The following LRP12 variants were observed in gnomAD, a reference collection of about 807,000 sequenced individuals.
The protein encoded by LRP12 is low-density lipoprotein receptor-related protein 12.
In LRP12, 14 loss-of-function variants were observed where a neutral mutation model predicts 66.0. That is an observed-to-expected ratio of 0.21 (90% confidence interval 0.14 to 0.33). The LOEUF (loss-of-function observed/expected upper bound fraction) is 0.33. LRP12 is among the 10% of genes least tolerant of loss of function. LRP12 has a pLI of 1.00. For missense variants in LRP12, 889 were observed against 1,053.4 expected (o/e 0.84, Z 2.16); for synonymous variants, 357 against 359.1 (o/e 0.99, Z 0.07).
chr8:104,530,521 C>A (rs1811310312), intron 2 of LRP12, among the ~76,000 whole-genome samples: 1 of 152,158 alleles, frequency 6.6e-6, no homozygotes, highest in Non-Finnish European at 1.5e-5. Context: ...TCACCAGGGA[C>A]CAACCCTGCC....
In LRP12 at chr8:104,509,083, T is replaced by C. The variant is rs199631267; in HGVS notation, c.137-9A>G. 2.2e-4 allele frequency: 353 copies of C among 1,610,520 alleles called. No individual in the cohort carries two copies. In the African/African-American group the frequency reaches 2.6e-3, roughly 12 times the overall value. Reference sequence around the variant, plus strand: ...TGGAGTCTCTCCACAAGCTGGAAGATAGCCAAAGCAATCTTTCCTTATTAT... The same window carrying C: ...TGGAGTCTCTCCACAAGCTGGAAGACAGCCAAAGCAATCTTTCCTTATTAT... On this transcript the variant is annotated splice_polypyrimidine_tract_variant and intron_variant, in intron 2 of 6. Transcript: ENST00000276654.
intron 1 of LRP12, among the ~76,000 whole-genome samples, chr8:104,533,579 T>C (rs1001563297): frequency 5.5e-4 from 83 of 152,274 alleles, no homozygotes; most frequent in African/African-American, 2.0e-3. Context: ...CTTCTACTTC[T>C]ATATTATACA....
chr8:104,542,994 A>AATATAAATATATAT lies in LRP12; in HGVS notation c.80-11032_80-11031insATATATATTTATAT, dbSNP rs544043214. Among the ~76,000 whole-genome samples the AATATAAATATATAT allele has an allele frequency of 3.2e-3, 456 of 144,128 alleles. 10 individuals are homozygous for AATATAAATATATAT. The highest frequency in any genetic ancestry group is 0.011 in the African/African-American group (433 of 38,374). The allele number at this position is 144,128 out of a possible 152,430, so 94.6% of individuals were successfully genotyped here. ...TGCGTGTGTTTATAGAACACACACA[A>AATATAAATATATAT]ATATATATATATATATATAAATATA... is the stretch of plus-strand genomic sequence containing the variant. On this transcript the variant is annotated intron_variant, in intron 1 of 6. Transcript: ENST00000276654.
At chr8:104,575,174 A>G (rs1436867236) in intron 1 of LRP12, among the ~76,000 whole-genome samples, 8 of 152,362 alleles carry the variant, frequency 5.3e-5, no homozygotes, top group African/African-American at 1.9e-4. Context: ...CTGAGTGATC[A>G]TTCCTGCTTG....
At chr8:104,492,377 T>C (rs183530643) in intron 6 of LRP12, among the ~76,000 whole-genome samples, 3 of 152,304 alleles carry the variant, frequency 2.0e-5, no homozygotes, top group Non-Finnish European at 4.4e-5. Context: ...TTTAAAAGCA[T>C]ATAGCATTAT....
chr8:104,579,482 A>G (rs1460006240), intron 1 of LRP12, among the ~76,000 whole-genome samples: 2 of 152,210 alleles, frequency 1.3e-5, no homozygotes, highest in Admixed American at 6.5e-5. Flanking sequence ...AAGAATCAAT[A>G]CTGTTAAAAT....
intron 1 of LRP12, among the ~76,000 whole-genome samples, chr8:104,542,290 C>T (rs377481067): frequency 1.3e-5 from 2 of 152,136 alleles, no homozygotes; most frequent in East Asian, 3.9e-4. Context: ...TTATGCTATT[C>T]TTTGGAGAAA....
intron 2 of LRP12, among the ~76,000 whole-genome samples, chr8:104,511,544 CG>C (rs2140845306): frequency 6.6e-6 from 1 of 151,770 alleles, no homozygotes; most frequent in East Asian, 1.9e-4. Flanking sequence ...TTTTGTTTTC[CG>C]TAACAGGGGT....
At chr8:104,559,753 G>T (rs994630824) in intron 1 of LRP12, among the ~76,000 whole-genome samples, 8 of 151,714 alleles carry the variant, frequency 5.3e-5, no homozygotes, top group Non-Finnish European at 1.2e-4. Flanking sequence ...CATAAGTTCT[G>T]CATAATTCTT....
At chr8:104,566,391 G>A (rs1382266601) in intron 1 of LRP12, 3 of 260,860 alleles carry the variant, frequency 1.2e-5, no homozygotes, top group Non-Finnish European at 2.3e-5. Context: ...GGGAGCCTTA[G>A]GGGAAGAGCC....
chr8:104,579,824 T>C (rs531267049), intron 1 of LRP12, among the ~76,000 whole-genome samples: 2 of 152,212 alleles, frequency 1.3e-5, no homozygotes, highest in Admixed American at 6.5e-5. Context: ...AAATGAGCCA[T>C]AGGAAAAGGA....
chr8:104,543,067 A>G (rs1811503245), intron 1 of LRP12, among the ~76,000 whole-genome samples: 1 of 151,642 alleles, frequency 6.6e-6, no homozygotes, highest in Non-Finnish European at 1.5e-5. Context: ...GCACAAAGAC[A>G]CTGAGTGCTG....
chr8:104,531,729 T>C (rs1461309012), intron 2 of LRP12, among the ~76,000 whole-genome samples, 178 bp downstream of exon 2: 1 of 152,136 alleles, frequency 6.6e-6, no homozygotes, highest in Non-Finnish European at 1.5e-5. Context: ...GGCATGCAAG[T>C]ATCAGTTTTA....
At chr8:104,518,711 T>G (rs1001363942) in intron 2 of LRP12, among the ~76,000 whole-genome samples, 2 of 152,080 alleles carry the variant, frequency 1.3e-5, no homozygotes, top group Non-Finnish European at 2.9e-5. Context: ...CTTCTTAGTA[T>G]CTTTGGTATT....
In LRP12 at chr8:104,542,994, A is replaced by AATATATATATATATATAT. The variant is rs149279085; in HGVS notation, c.80-11049_80-11032dup. Among the ~76,000 whole-genome samples the AATATATATATATATATAT allele has an allele frequency of 4.9e-5, 7 of 144,140 alleles. No homozygotes were observed. In the South Asian group the frequency reaches 6.5e-4, roughly 13 times the overall value. 94.6% of individuals were successfully genotyped at this position (144,140 alleles called of 152,430 possible). ...TGCGTGTGTTTATAGAACACACACA[A>AATATATATATATATATAT]ATATATATATATATATATAAATATA... On this transcript the variant is annotated intron_variant, in intron 1 of 6. Coordinates refer to ENST00000276654, the MANE Select transcript of LRP12 (RefSeq NM_013437.5).
intron 1 of LRP12, among the ~76,000 whole-genome samples, chr8:104,563,022 G>A (rs1271554489): frequency 6.6e-6 from 1 of 152,098 alleles, no homozygotes; most frequent in Non-Finnish European, 1.5e-5. Flanking sequence ...TGTTTACGGA[G>A]ATCTCCAAGT....
At chr8:104,549,805 C>T (rs150264505) in intron 1 of LRP12, among the ~76,000 whole-genome samples, 1,986 of 152,216 alleles carry the variant, frequency 0.013, 22 homozygotes, top group Non-Finnish European at 0.021. Flanking sequence ...ATTGAATAAC[C>T]TTTAAATAAT....
intron 3 of LRP12, among the ~76,000 whole-genome samples, chr8:104,502,894 T>C (rs1332386412): frequency 1.3e-5 from 2 of 152,074 alleles, no homozygotes; most frequent in African/African-American, 2.4e-5. Flanking sequence ...TTAAGATTCA[T>C]GAAGGCAAAG....
chr8:104,539,876 T>C (rs1024536501), intron 1 of LRP12, among the ~76,000 whole-genome samples: 3 of 152,132 alleles, frequency 2.0e-5, no homozygotes, highest in Non-Finnish European at 2.9e-5. Flanking sequence ...TGTGAAGATA[T>C]ATATGCAGAA....
Sources: gnomAD v4.1 joint callset for allele counts (sites outside exome capture counted in the v4.1 genomes callset) on GRCh38, gnomAD v4.1.1 for gene constraint, MANE v1.5 for transcripts, NCBI Gene and HGNC (gene_info 2026-07-23, HGNC 2026-07-21) for gene names.